Variants in CSPP1 observed in about 807,000 individuals in gnomAD.
CSPP1 encodes the protein centrosome and spindle pole-associated protein 1.
In CSPP1, 126 loss-of-function variants were observed where a neutral mutation model predicts 164.4. That is an observed-to-expected ratio of 0.77 (90% CI 0.66 to 0.89). The LOEUF is 0.89. Among genes scored for constraint, CSPP1 ranks in the 40% least tolerant of loss-of-function variants. The pLI is 0.00. For synonymous variants in CSPP1, 472 were observed against 476.7 expected (o/e 0.99, Z 0.13); for missense variants, 1,395 against 1,449.8 (o/e 0.96, Z 0.61).
At chr8:67,065,821 G>T (rs1805430718) in intron 1 of CSPP1, among the ~76,000 whole-genome samples, 1 of 152,146 alleles carries the variant, frequency 6.6e-6, no homozygotes, top group South Asian at 2.1e-4. Context: ...GAGCCATTGT[G>T]CCCGTTCAAG....
chr8:67,163,916 T>TA (rs1421163760), intron 23 of CSPP1, 118 bp downstream of exon 23: 1 of 724,196 alleles, frequency 1.4e-6, no homozygotes, highest in Non-Finnish European at 2.3e-6. Context: ...AGGTGCTGTG[T>TA]ACCCATTCTC....
Position 67,074,370 on chromosome 8 carries a change from T to C in CSPP1, c.99+19T>C, listed in dbSNP as rs775345126. ...AATGAAGGTAAATTTAATAATTTTC[T>C]TTGAACATGTTTTATTATAATTGTC... On this transcript the variant is annotated intron_variant, in intron 2 of 30. Coordinates refer to ENST00000678616, the MANE Select transcript of CSPP1 (RefSeq NM_001382391.1). 2.1e-6 allele frequency: 3 copies of C among 1,441,064 alleles called. No homozygotes were observed. The highest frequency in any genetic ancestry group is 2.9e-6 in the Non-Finnish European group (3 of 1,036,296). 89.3% of individuals were successfully genotyped at this position (1,441,064 alleles called of 1,614,324 possible).
chr8:67,123,444 C>T (rs1586292323), intron 15 of CSPP1, among the ~76,000 whole-genome samples: 1 of 151,890 alleles, frequency 6.6e-6, no homozygotes. Context: ...TATGATTTTT[C>T]GTATTTACTC....
chr8:67,120,057 A>G (rs929769248), intron 15 of CSPP1, among the ~76,000 whole-genome samples: 8 of 152,098 alleles, frequency 5.3e-5, no homozygotes, highest in Non-Finnish European at 1.2e-4. Flanking sequence ...ATGGTATTGC[A>G]TAAGGGTTTG....
chr8:67,131,935 T>G lies in CSPP1; in HGVS notation c.1698-16T>G. ...TCGTCAATGGATTTAAATTATTTAT[T>G]GTGTATTTGATGTAGGAATACGGTT... On this transcript the variant is annotated splice_polypyrimidine_tract_variant and intron_variant, in intron 15 of 30. Transcript: ENST00000678616. 5 of 1,571,662 alleles carry G rather than the reference T, an allele frequency of 3.2e-6. No individual in the cohort carries two copies. Among genetic ancestry groups the G allele is most frequent in the Non-Finnish European group, 3.5e-6 (4 of 1,157,474 alleles).
At chr8:67,087,321 GT>G (rs35705699) in intron 4 of CSPP1, among the ~76,000 whole-genome samples, 1 of 152,104 alleles carries the variant, frequency 6.6e-6, no homozygotes, top group African/African-American at 2.4e-5. Flanking sequence ...ACAGTTTATG[GT>G]TTTACAAAAC....
intron 26 of CSPP1, among the ~76,000 whole-genome samples, chr8:67,177,363 T>C (rs1222528844): frequency 6.6e-6 from 1 of 152,190 alleles, no homozygotes; most frequent in Non-Finnish European, 1.5e-5. Context: ...ATGCAACAAC[T>C]TTCTACAGAT....
intron 8 of CSPP1, among the ~76,000 whole-genome samples, chr8:67,104,535 C>T (rs1415644484): frequency 1.3e-5 from 2 of 151,972 alleles, no homozygotes; most frequent in Non-Finnish European, 2.9e-5. Flanking sequence ...TGCGCATGGC[C>T]AGGAAGGAGT....
chr8:67,178,739 G>A (rs1331003238), intron 27 of CSPP1, among the ~76,000 whole-genome samples: 1 of 152,190 alleles, frequency 6.6e-6, no homozygotes, highest in Admixed American at 6.5e-5. Flanking sequence ...TTGGCCTAGT[G>A]CATGTAAGGA....
rs1381482450 is a variant in CSPP1 at position 67,164,487 on chromosome 8, G to A, written c.2807G>A (p.Ser936Asn). 5 of 1,568,546 alleles carry A rather than the reference G, an allele frequency of 3.2e-6. No individual in the cohort carries two copies. The highest frequency in any genetic ancestry group is 1.1e-5 in the South Asian group (1 of 89,300). Reference protein sequence around the residue: ...RLQERLLHMDSDDEIPIRKKE... With the variant: ...RLQERLLHMDNDDEIPIRKKE... ...CAAGAGCGATTGCTACACATGGACA[G>A]TGATGATGAAATTCCTATCAGGCAA... The change falls in exon 24 of 31, where the codon AGT becomes AAT. Residue 936 changes from serine to asparagine, a missense_variant. Ser to Asn is a conservative substitution (Grantham distance 46, BLOSUM62 1). Coordinates refer to ENST00000678616, the MANE Select transcript of CSPP1 (RefSeq NM_001382391.1).
chr8:67,100,290 G>T (rs1813783237), intron 7 of CSPP1, among the ~76,000 whole-genome samples: 1 of 152,034 alleles, frequency 6.6e-6, no homozygotes, highest in Non-Finnish European at 1.5e-5. Context: ...ATTAATTTAG[G>T]ATGAACTTTG....
intron 4 of CSPP1, among the ~76,000 whole-genome samples, chr8:67,088,234 A>G (rs755734866): frequency 3.3e-5 from 5 of 152,162 alleles, no homozygotes; most frequent in Non-Finnish European, 4.4e-5. Flanking sequence ...TCATGAAAGT[A>G]CAAATCTTTA....
At chr8:67,110,028 G>A (rs1241469623) in intron 9 of CSPP1, among the ~76,000 whole-genome samples, 2 of 151,424 alleles carry the variant, frequency 1.3e-5, no homozygotes, top group East Asian at 1.9e-4. Flanking sequence ...AGCCACCCCC[G>A]CCCCATCCCC....
chr8:67,136,420 A>T (rs1251369173), intron 16 of CSPP1, among the ~76,000 whole-genome samples: 4 of 151,650 alleles, frequency 2.6e-5, no homozygotes, highest in African/African-American at 9.7e-5. Flanking sequence ...AATACAAAAA[A>T]TAACTGGGCG....
chr8:67,094,119 G>GAAAAAAAAA (rs71249416), intron 6 of CSPP1, among the ~76,000 whole-genome samples: 1 of 29,452 alleles, frequency 3.4e-5, no homozygotes, highest in Non-Finnish European at 5.3e-5. Context: ...GACCTGGTCT[G>GAAAAAAAAA]AAAAAAAAAA....
intron 29 of CSPP1, among the ~76,000 whole-genome samples, chr8:67,190,979 G>A (rs1836061112): frequency 6.6e-6 from 1 of 152,180 alleles, no homozygotes; most frequent in South Asian, 2.1e-4. Flanking sequence ...GTCTCCTGGG[G>A]TGGCTGTAAG....
intron 18 of CSPP1, among the ~76,000 whole-genome samples, chr8:67,150,649 C>A (rs1727077450): frequency 6.6e-6 from 1 of 152,180 alleles, no homozygotes; most frequent in South Asian, 2.1e-4. Flanking sequence ...GATCCATCCG[C>A]CTCCACCTCC....
chr8:67,175,361 G>C lies in CSPP1; in HGVS notation c.3034G>C (p.Glu1012Gln). Reference sequence around the variant, plus strand: ...TCCTCCAAGAGATCATCACACCTTAGAGATTCAGCAGCAAGCCCTGCTAAG... The same window carrying C: ...TCCTCCAAGAGATCATCACACCTTACAGATTCAGCAGCAAGCCCTGCTAAG... ...LDPPRDHHTL[E>Q]IQQQALLREQ... Residue 1012 changes from glutamate to glutamine, a missense_variant, in exon 26 of 31, where the codon GAG becomes CAG. Coordinates refer to ENST00000678616, the MANE Select transcript of CSPP1 (RefSeq NM_001382391.1). The C allele has an allele frequency of 6.2e-7, 1 of 1,614,022 alleles. No individual in the cohort carries two copies. Among genetic ancestry groups the C allele is most frequent in the Non-Finnish European group, 8.5e-7 (1 of 1,179,880 alleles).
chr8:67,170,830 A>G (rs1238533703), intron 24 of CSPP1, among the ~76,000 whole-genome samples: 1 of 152,052 alleles, frequency 6.6e-6, no homozygotes, highest in Non-Finnish European at 1.5e-5. Context: ...TCTGTCACCC[A>G]GGCTGGAGTG....
Sources: gnomAD v4.1 joint callset for allele counts (sites outside exome capture counted in the v4.1 genomes callset) on GRCh38, gnomAD v4.1.1 for gene constraint, MANE v1.5 for transcripts, NCBI Gene and HGNC (gene_info 2026-07-23, HGNC 2026-07-21) for gene names.